The following SIPA1L1 variants were observed in gnomAD, a reference collection of about 807,000 sequenced individuals.
SIPA1L1 encodes signal-induced proliferation-associated 1-like protein 1.
Under a neutral mutation model 162.7 loss-of-function variants are expected in SIPA1L1, and 26 were observed. That is an observed-to-expected ratio of 0.16 (90% CI 0.12 to 0.22). The LOEUF is 0.22. Ranked by LOEUF, SIPA1L1 falls within the 10% of genes least tolerant of loss-of-function variation. The probability of loss-of-function intolerance (pLI) is 1.00; values close to 1 mark genes in which losing one functional copy is unlikely to be tolerated. For synonymous variants in SIPA1L1, 829 were observed against 837.4 expected, an observed-to-expected ratio of 0.99 and a Z score of 0.17; for missense variants, 1,874 against 2,241.0, an observed-to-expected ratio of 0.84 and a Z score of 3.31.
At chr14:71,487,720 G>A (rs7148973) in intron 2 of SIPA1L1, among the ~76,000 whole-genome samples, 3,422 of 152,248 alleles carry the variant, frequency 0.022, 129 homozygotes, top group African/African-American at 0.078. Flanking sequence ...GTGAGGAACA[G>A]CAGTTTTTCA....
chr14:71,725,898 G>A (rs2150251149), intron 19 of SIPA1L1, among the ~76,000 whole-genome samples: 1 of 152,294 alleles, frequency 6.6e-6, no homozygotes, highest in East Asian at 1.9e-4. Context: ...GAATTGAATT[G>A]ATTGAAATGG....
At chr14:71,348,296 C>T (rs962524779) in intron 2 of SIPA1L1, among the ~76,000 whole-genome samples, 5 of 152,122 alleles carry the variant, frequency 3.3e-5, no homozygotes, top group African/African-American at 1.2e-4. Context: ...GATAACAGCT[C>T]TTTTGATTTC....
rs750179593 is a variant in SIPA1L1 at position 71,733,784 on chromosome 14, C to T, written c.4980C>T (p.Asn1660=). 2 of 1,613,138 alleles carry T rather than the reference C, an allele frequency of 1.2e-6. No individual in the cohort carries two copies. The highest frequency in any genetic ancestry group is 1.7e-6 in the Non-Finnish European group (2 of 1,180,014). Residue 1660 remains asparagine, a synonymous_variant, in exon 21 of 24, where the codon AAC becomes AAT. Transcript: ENST00000381232. ...PDTAADLDWS[N]LVDAAKAYEV... ...CTGCTGCAGACTTGGATTGGTCCAA[C>T]CTGGTAGATGCTGCCAAAGCCTATG...
At position 71,474,351 on chromosome 14, in the gene SIPA1L1, C is replaced by T. The variant is rs74060357; in HGVS notation, c.-464-38392C>T. ...ATCCTCCAAACTGACGGTGATTCTG[C>T]TGTTGGCCAACTGGGAGTGTGCTGA... On this transcript the variant is annotated intron_variant, in intron 2 of 23. Transcript: ENST00000381232. Among the ~76,000 whole-genome samples, 838 of 152,338 alleles carry T rather than the reference C, an allele frequency of 5.5e-3. 10 individuals are homozygous for T. Among genetic ancestry groups the T allele is most frequent in the African/African-American group, 0.02 (812 of 41,584 alleles).
intron 3 of SIPA1L1, among the ~76,000 whole-genome samples, chr14:71,523,936 A>G (rs2052605768): frequency 6.6e-6 from 1 of 152,034 alleles, no homozygotes; most frequent in African/African-American, 2.4e-5. Flanking sequence ...CTCACCTGAT[A>G]TTTTCCCTGT....
At chr14:71,591,959 T>C (rs1161643567) in intron 5 of SIPA1L1, among the ~76,000 whole-genome samples, 8 of 152,240 alleles carry the variant, frequency 5.3e-5, no homozygotes, top group African/African-American at 1.9e-4. Context: ...TGTACTCATA[T>C]TTCATCAGCT....
intron 2 of SIPA1L1, among the ~76,000 whole-genome samples, chr14:71,386,971 G>A (rs1470816939): frequency 2.6e-5 from 4 of 152,050 alleles, no homozygotes; most frequent in Admixed American, 6.5e-5. Flanking sequence ...GACTGTGGCC[G>A]GGCGCAGTGG....
intron 2 of SIPA1L1, among the ~76,000 whole-genome samples, chr14:71,354,324 C>T (rs1190104185): frequency 5.4e-5 from 8 of 149,408 alleles, no homozygotes; most frequent in Admixed American, 1.3e-4. Context: ...CTGTTGCCCA[C>T]GCTGGAGTGC....
chr14:71,728,936 A>G (rs779941605), intron 19 of SIPA1L1, among the ~76,000 whole-genome samples: 2 of 152,182 alleles, frequency 1.3e-5, no homozygotes, highest in Non-Finnish European at 2.9e-5. Flanking sequence ...AGTAAAATCA[A>G]ATTTGGTCAC....
At chr14:71,498,940 A>T (rs1037929162) in intron 2 of SIPA1L1, among the ~76,000 whole-genome samples, 1 of 152,228 alleles carries the variant, frequency 6.6e-6, no homozygotes, top group African/African-American at 2.4e-5. Flanking sequence ...GTAGTATTGC[A>T]TACTTTTGCT....
intron 5 of SIPA1L1, among the ~76,000 whole-genome samples, chr14:71,604,396 A>C (rs894169107): frequency 2.0e-5 from 3 of 151,750 alleles, no homozygotes; most frequent in Admixed American, 6.6e-5. Flanking sequence ...TTCTGCCTCA[A>C]CCTCCCAGAG....
chr14:71,507,708 G>T (rs958900674), intron 2 of SIPA1L1, among the ~76,000 whole-genome samples: 1 of 152,076 alleles, frequency 6.6e-6, no homozygotes, highest in African/African-American at 2.4e-5. Context: ...ATTTCCTAAA[G>T]TTCCTTCATT....
rs190705832 is a variant in SIPA1L1 at position 71,533,963 on chromosome 14, C to T, written c.-303+4593C>T. On this transcript the variant is annotated intron_variant, in intron 4 of 23. Coordinates refer to ENST00000381232, the MANE Select transcript of SIPA1L1 (RefSeq NM_001386936.1). ...GTTTGGCTGAGTGCTGTGACTCATG[C>T]GTGTAATCCCAGTACTTTGGGAGGC... 2.2e-4 allele frequency among the ~76,000 whole-genome samples: 34 copies of T among 151,996 alleles called. 1 individual carries two copies. In the East Asian group the frequency reaches 5.2e-3, roughly 23 times the overall value.
intron 13 of SIPA1L1, among the ~76,000 whole-genome samples, chr14:71,696,274 C>A (rs2081621806): frequency 6.6e-6 from 1 of 152,182 alleles, no homozygotes; most frequent in South Asian, 2.1e-4. Context: ...TTTCTTCTCA[C>A]CACATTTCCC....
chr14:71,708,015 G>GTTTTTTTTTTTTGTT (rs2082584782), intron 16 of SIPA1L1, among the ~76,000 whole-genome samples: 1 of 100,300 alleles, frequency 1.0e-5, no homozygotes, highest in Non-Finnish European at 2.0e-5. Context: ...GTTTTTTGGT[G>GTTTTTTTTTTTTGTT]TTTTTTTTTT....
rs1454289715 is a variant in SIPA1L1 at position 71,458,422 on chromosome 14, T to C, written c.-464-54321T>C. ...TATGTAACATTTTTGTCAAAACCTT[T>C]TTTGAGACTTGCTTCCATCAGAGTA... On this transcript the variant is annotated intron_variant, in intron 2 of 23. Transcript: ENST00000381232. Among the ~76,000 whole-genome samples, 3 of 152,312 alleles carry C rather than the reference T, an allele frequency of 2.0e-5. No homozygotes were observed. The East Asian group carries it at 5.8e-4, about 29-fold the overall frequency.
At chr14:71,485,837 T>C (rs558745639) in intron 2 of SIPA1L1, among the ~76,000 whole-genome samples, 1 of 152,286 alleles carries the variant, frequency 6.6e-6, no homozygotes, top group East Asian at 1.9e-4. Context: ...GATTCTTATC[T>C]AACAATTCAC....
intron 12 of SIPA1L1, among the ~76,000 whole-genome samples, chr14:71,683,410 G>A (rs765613293): frequency 6.6e-6 from 1 of 152,182 alleles, no homozygotes; most frequent in Non-Finnish European, 1.5e-5. Context: ...AGATAGTCCA[G>A]ATTTTGAGCA....
At chr14:71,735,991 T>C (rs2085255411) in intron 22 of SIPA1L1, among the ~76,000 whole-genome samples, 1 of 152,208 alleles carries the variant, frequency 6.6e-6, no homozygotes, top group African/African-American at 2.4e-5. Flanking sequence ...GGTTGCTAGA[T>C]TTATGTGTGC....
Sources: allele counts gnomAD v4.1 joint callset (sites outside exome capture counted in the v4.1 genomes callset), GRCh38; gene constraint gnomAD v4.1.1; transcripts MANE v1.5; gene names NCBI Gene and HGNC (gene_info 2026-07-23, HGNC 2026-07-21).